The following RUNX1T1 variants were observed in gnomAD, a reference collection of about 807,000 sequenced individuals.
The protein encoded by RUNX1T1 is RUNX1 partner transcriptional co-repressor 1.
In RUNX1T1, 4 loss-of-function variants were observed where a neutral mutation model predicts 62.8. The ratio of observed to expected loss-of-function variants is 0.06; its 90% confidence interval spans 0.03 to 0.15. The LOEUF is 0.15. Among genes scored for constraint, RUNX1T1 ranks in the 10% least tolerant of loss-of-function variants. The pLI is 1.00. For synonymous variants in RUNX1T1, 291 were observed against 286.0 expected, an observed-to-expected ratio of 1.02 and a Z score of -0.18; for missense variants, 508 against 754.3, an observed-to-expected ratio of 0.67 and a Z score of 3.82.
At position 92,039,771 on chromosome 8, in the gene RUNX1T1, C is replaced by T. The variant is rs536351267; in HGVS notation, c.8-22408G>A. 5.3e-5 allele frequency among the ~76,000 whole-genome samples: 8 copies of T among 152,236 alleles called. No homozygotes were observed. In the South Asian group the frequency reaches 1.5e-3, roughly 28 times the overall value. ...CAGAATCCAGAGTCACTCTAGACAC[C>T]ACTGCTCACCATACCTGGCTCCATA... On this transcript the variant is annotated intron_variant, in intron 1 of 10. Coordinates refer to ENST00000396218, the Ensembl canonical transcript of RUNX1T1.
At chr8:91,959,179 T>C (rs1251502764) in exon 11 of RUNX1T1, 1 of 216,994 alleles carries the variant, frequency 4.6e-6, no homozygotes, top group Non-Finnish European at 9.4e-6. Context: ...ACTACTAGTT[T>C]TTAATTAAAA....
At chr8:92,009,898 T>C (rs1407047245) in intron 4 of RUNX1T1, 1 of 152,220 alleles carries the variant, frequency 6.6e-6, no homozygotes, top group Non-Finnish European at 1.5e-5. Flanking sequence ...CAGATCTAAT[T>C]TCTGGTTTGT....
chr8:92,039,427 A>G (rs1230655909), intron 1 of RUNX1T1, among the ~76,000 whole-genome samples: 8 of 152,136 alleles, frequency 5.3e-5, no homozygotes, highest in Admixed American at 3.3e-4. Context: ...CAAAACCTCC[A>G]TAACAGTTCC....
chr8:92,101,676 T>C (rs1042693543), upstream of RUNX1T1, among the ~76,000 whole-genome samples: 4 of 152,284 alleles, frequency 2.6e-5, no homozygotes, highest in East Asian at 5.8e-4. Context: ...TTAGTAACAG[T>C]TGTGGCTCAC....
At chr8:92,094,617 A>G (rs1837517062) in intron 1 of RUNX1T1, among the ~76,000 whole-genome samples, 1 of 152,166 alleles carries the variant, frequency 6.6e-6, no homozygotes, top group Non-Finnish European at 1.5e-5. Flanking sequence ...CGCATTTAAA[A>G]CAAGTCACAC....
At chr8:91,984,974 A>G (rs1816244333) in intron 8 of RUNX1T1, among the ~76,000 whole-genome samples, 1 of 152,248 alleles carries the variant, frequency 6.6e-6, no homozygotes, top group African/African-American at 2.4e-5. Flanking sequence ...TTCAGAGATC[A>G]GCAGAAATCT....
chr8:91,959,400 T>C (rs906054791), exon 11 of RUNX1T1: 6 of 215,296 alleles, frequency 2.8e-5, no homozygotes, highest in Non-Finnish European at 3.7e-5. Context: ...AACTGCAGGC[T>C]GAGTCTCTTA....
At chr8:92,046,885 T>C (rs1016237584) in intron 1 of RUNX1T1, among the ~76,000 whole-genome samples, 14 of 152,164 alleles carry the variant, frequency 9.2e-5, no homozygotes, top group African/African-American at 2.9e-4. Context: ...ACAAATTGGA[T>C]TGGATGACAG....
At chr8:92,083,105 C>A (rs1327051986) in intron 1 of RUNX1T1, among the ~76,000 whole-genome samples, 1 of 152,126 alleles carries the variant, frequency 6.6e-6, no homozygotes, top group Non-Finnish European at 1.5e-5. Context: ...TATTAAAGCC[C>A]ATTTATGAAC....
At chr8:92,039,948 T>C (rs1156344292) in intron 1 of RUNX1T1, among the ~76,000 whole-genome samples, 1 of 152,184 alleles carries the variant, frequency 6.6e-6, no homozygotes, top group Non-Finnish European at 1.5e-5. Context: ...TTCTTCAATC[T>C]ACCCTTCCCT....
intron 1 of RUNX1T1, among the ~76,000 whole-genome samples, chr8:92,087,299 C>G: frequency 6.6e-6 from 1 of 151,754 alleles, no homozygotes; most frequent in Non-Finnish European, 1.5e-5. Context: ...GATCTTTCTG[C>G]TCTCATTTCC....
chr8:92,017,872 G>A (rs1028341778), intron 1 of RUNX1T1, among the ~76,000 whole-genome samples: 2 of 152,102 alleles, frequency 1.3e-5, no homozygotes, highest in African/African-American at 4.8e-5. Flanking sequence ...ATAGGTTATC[G>A]TCTTCCAGGC....
chr8:92,047,899 T>G (rs1563842136), intron 1 of RUNX1T1, among the ~76,000 whole-genome samples: 1 of 152,222 alleles, frequency 6.6e-6, no homozygotes, highest in Non-Finnish European at 1.5e-5. Flanking sequence ...CTACAGACCT[T>G]TGTAAACTGC....
downstream of RUNX1T1, chr8:91,956,602 G>T (rs932008847): frequency 2.7e-5 from 6 of 220,474 alleles, no homozygotes; most frequent in Non-Finnish European, 4.5e-5. Flanking sequence ...GTCCAACTAA[G>T]GAAAAAAGGA....
chr8:91,959,644 C>T (rs1019454406), exon 11 of RUNX1T1: 1 of 225,522 alleles, frequency 4.4e-6, no homozygotes, highest in South Asian at 1.8e-4. Flanking sequence ...GGAAAAAAAC[C>T]GAACATCTGT....
Position 92,094,097 on chromosome 8 carries a change from T to A in RUNX1T1, c.-86+5483A>T, listed in dbSNP as rs575306231. 2.0e-4 allele frequency among the ~76,000 whole-genome samples: 31 copies of A among 152,314 alleles called. 1 individual carries two copies. The South Asian group carries it at 5.6e-3, about 28-fold the overall frequency. On this transcript the variant is annotated intron_variant, in intron 1 of 11. Coordinates refer to the RUNX1T1 transcript ENST00000265814. ...TTGGTCTGTGAATTTCAGTGTTTCA[T>A]CATGCTCACTGAGGCAACAGCAAAC...
intron 2 of RUNX1T1, 129 bp downstream of exon 3, chr8:92,017,096 GA>G (rs1823164195): frequency 2.9e-6 from 2 of 684,476 alleles, no homozygotes; most frequent in Non-Finnish European, 5.0e-6. Context: ...GCAAACAAAT[GA>G]TTTTTTTTGG....
chr8:92,083,423 A>G (rs1835595665), intron 1 of RUNX1T1, among the ~76,000 whole-genome samples: 1 of 152,232 alleles, frequency 6.6e-6, no homozygotes, highest in Non-Finnish European at 1.5e-5. Context: ...AACCCCATCA[A>G]AAAGTGTGTG....
At chr8:91,992,578 T>C (rs1398067254) in intron 5 of RUNX1T1, among the ~76,000 whole-genome samples, 5 of 152,048 alleles carry the variant, frequency 3.3e-5, no homozygotes, top group Non-Finnish European at 7.3e-5. Context: ...ACTGAGCAAA[T>C]ACCGTATGCA....
Sources: allele counts gnomAD v4.1 joint callset (sites outside exome capture counted in the v4.1 genomes callset), GRCh38; gene constraint gnomAD v4.1.1; transcripts MANE v1.5; gene names NCBI Gene and HGNC (gene_info 2026-07-23, HGNC 2026-07-21).